The following IGSF21 variants were observed in gnomAD, a reference collection of about 807,000 sequenced individuals.
IGSF21 encodes immunoglobulin superfamily member 21.
In IGSF21, 28 loss-of-function variants were observed where a neutral mutation model predicts 46.8. The observed-to-expected ratio is 0.60, with a 90% CI of 0.44 to 0.82. The LOEUF is 0.82. Among genes scored for constraint, IGSF21 ranks in the 40% least tolerant of loss-of-function variants. IGSF21 has a pLI of 0.00. For missense variants in IGSF21, 624 were observed against 665.5 expected, an observed-to-expected ratio of 0.94 and a Z score of 0.69; for synonymous variants, 284 against 273.6, an observed-to-expected ratio of 1.04 and a Z score of -0.38.
intron 1 of IGSF21, chr1:18,110,305 G>C (rs1313629559): frequency 6.6e-6 from 1 of 152,304 alleles, no homozygotes; most frequent in Non-Finnish European, 1.5e-5. Flanking sequence ...CACGAGGGTG[G>C]GGTCCCTCCT....
intron 5 of IGSF21, among the ~76,000 whole-genome samples, chr1:18,362,565 G>T: frequency 6.6e-6 from 1 of 152,114 alleles, no homozygotes; most frequent in East Asian, 1.9e-4. Flanking sequence ...ATGAAAGGGG[G>T]CCCCGAGAGG....
At chr1:18,144,420 C>A (rs1484669821) in intron 1 of IGSF21, among the ~76,000 whole-genome samples, 4 of 152,222 alleles carry the variant, frequency 2.6e-5, no homozygotes, top group African/African-American at 7.2e-5. Flanking sequence ...CACCTCCCTG[C>A]CCAAGCTGCC....
chr1:18,339,556 A>G (rs1410060913), intron 4 of IGSF21, among the ~76,000 whole-genome samples: 1 of 152,046 alleles, frequency 6.6e-6, no homozygotes, highest in Non-Finnish European at 1.5e-5. Flanking sequence ...ACCTGGCGAA[A>G]TCCCGTTTCT....
At chr1:18,183,807 C>G (rs372515262) in intron 1 of IGSF21, among the ~76,000 whole-genome samples, 2 of 151,930 alleles carry the variant, frequency 1.3e-5, no homozygotes, top group South Asian at 4.2e-4. Context: ...GCGGGTGGTG[C>G]GGGGGGAAGC....
rs1158541081 is a variant in IGSF21, at chr1:18,225,081, TCTCTCA to T, written c.71-2815_71-2810del. 7.1e-3 allele frequency among the ~76,000 whole-genome samples: 222 copies of T among 31,212 alleles called. 2 individuals are homozygous for T. The Middle Eastern group carries it at 0.075, about 11-fold the overall frequency. 20.5% of individuals were successfully genotyped at this position (31,212 alleles called of 152,430 possible). ...CTCTGTATCTCTCTCTCTCTCTCTC[TCTCTCA>T]CACACACACACACACACACACACAC... On this transcript the variant is annotated intron_variant, in intron 1 of 9. Coordinates refer to ENST00000251296, the MANE Select transcript of IGSF21 (RefSeq NM_032880.5).
chr1:18,361,137 T>A (rs918132134), intron 4 of IGSF21, among the ~76,000 whole-genome samples: 4 of 152,098 alleles, frequency 2.6e-5, no homozygotes. Context: ...GCTGCCCCCA[T>A]CCAAGTGTAC....
At chr1:18,251,208 T>C (rs1234861128) in intron 2 of IGSF21, among the ~76,000 whole-genome samples, 1 of 152,058 alleles carries the variant, frequency 6.6e-6, no homozygotes, top group Admixed American at 6.6e-5. Context: ...ATTCTTAGCA[T>C]AATAGGACTT....
chr1:18,157,405 C>T (rs1250049862), intron 1 of IGSF21, among the ~76,000 whole-genome samples: 1 of 152,222 alleles, frequency 6.6e-6, no homozygotes, highest in Non-Finnish European at 1.5e-5. Flanking sequence ...CTGCTCCCCG[C>T]CAATCCCCTC....
intron 1 of IGSF21, among the ~76,000 whole-genome samples, chr1:18,164,724 T>G (rs1271622308): frequency 6.6e-6 from 1 of 151,664 alleles, no homozygotes; most frequent in Non-Finnish European, 1.5e-5. Context: ...GTTGGTATTT[T>G]TTCTTTTATA....
intron 1 of IGSF21, among the ~76,000 whole-genome samples, chr1:18,225,062 A>ATC (rs111721151): frequency 1.9e-3 from 123 of 63,800 alleles, no homozygotes; most frequent in African/African-American, 6.7e-3. Flanking sequence ...GAGACTCTGT[A>ATC]TCTCTCTCTC....
intron 4 of IGSF21, among the ~76,000 whole-genome samples, chr1:18,341,765 G>A (rs1205623559): frequency 6.6e-6 from 1 of 152,174 alleles, no homozygotes; most frequent in South Asian, 2.1e-4. Context: ...TGAGTAGGAA[G>A]CCCAGACTCA....
At chr1:18,129,369 G>A (rs546912944) in intron 1 of IGSF21, among the ~76,000 whole-genome samples, 1 of 152,138 alleles carries the variant, frequency 6.6e-6, no homozygotes, top group Non-Finnish European at 1.5e-5. Flanking sequence ...AGCAGAGGGG[G>A]ACCCTTCCAG....
At chr1:18,351,498 C>G (rs78940405) in intron 4 of IGSF21, among the ~76,000 whole-genome samples, 5,507 of 152,260 alleles carry the variant, frequency 0.036, 334 homozygotes, top group African/African-American at 0.12. Context: ...GTTTTGCACG[C>G]TGGGGGAAGA....
chr1:18,219,331 C>T (rs570703931), intron 1 of IGSF21, among the ~76,000 whole-genome samples: 1 of 152,204 alleles, frequency 6.6e-6, no homozygotes, highest in South Asian at 2.1e-4. Flanking sequence ...GCAGCAAGGG[C>T]AAAGGCCCTG....
At chr1:18,327,171 A>C (rs1292452788) in intron 3 of IGSF21, among the ~76,000 whole-genome samples, 2 of 152,186 alleles carry the variant, frequency 1.3e-5, no homozygotes, top group South Asian at 4.1e-4. Context: ...TGTTATTTGA[A>C]GCTCACTGCA....
chr1:18,375,850 G>A (rs1287828054), intron 6 of IGSF21: 1 of 186,192 alleles, frequency 5.4e-6, no homozygotes, highest in East Asian at 1.2e-4. Flanking sequence ...CCTCCCAAGG[G>A]GGTAGCGTGG....
intron 1 of IGSF21, among the ~76,000 whole-genome samples, chr1:18,208,397 T>TATATA (rs368652183): frequency 0.052 from 4,821 of 92,366 alleles, 760 homozygotes; most frequent in African/African-American, 0.092. Context: ...ATATATATAT[T>TATATA]TTTTGAGACG....
At chr1:18,364,422 C>G (rs1003004969) in intron 5 of IGSF21, among the ~76,000 whole-genome samples, 3 of 148,580 alleles carry the variant, frequency 2.0e-5, no homozygotes, top group Non-Finnish European at 3.0e-5. Context: ...CCTGCAGTCC[C>G]TCCCTCCACA....
At chr1:18,173,234 G>A (rs943051027) in intron 1 of IGSF21, among the ~76,000 whole-genome samples, 6 of 152,178 alleles carry the variant, frequency 3.9e-5, no homozygotes, top group Non-Finnish European at 7.3e-5. Context: ...CTTGCAGTGA[G>A]CTGAGATCAC....
Sources: gnomAD v4.1 joint callset for allele counts (sites outside exome capture counted in the v4.1 genomes callset) on GRCh38, gnomAD v4.1.1 for gene constraint, MANE v1.5 for transcripts, NCBI Gene and HGNC (gene_info 2026-07-23, HGNC 2026-07-21) for gene names.